TBC1D1: variants seen among roughly 807,000 people sequenced by gnomAD.
TBC1D1 encodes TBC1 domain family member 1.
In TBC1D1, 89 loss-of-function variants were observed where a neutral mutation model predicts 125.6. That is an observed-to-expected ratio of 0.71 (90% CI 0.60 to 0.85). TBC1D1 has a LOEUF of 0.85. Among genes scored for constraint, TBC1D1 ranks in the 40% least tolerant of loss-of-function variants. The probability of loss-of-function intolerance (pLI) is 0.00; values close to 1 mark genes in which losing one functional copy is unlikely to be tolerated. For synonymous variants in TBC1D1, 565 were observed against 564.1 expected, an observed-to-expected ratio of 1.00 and a Z score of -0.02; for missense variants, 1,377 against 1,469.2, an observed-to-expected ratio of 0.94 and a Z score of 1.03.
At chr4:37,944,204 T>G (rs1726170068) in intron 2 of TBC1D1, among the ~76,000 whole-genome samples, 1 of 152,148 alleles carries the variant, frequency 6.6e-6, no homozygotes, top group Non-Finnish European at 1.5e-5. Context: ...AAGCTTCGTC[T>G]CAGAGGGGTA....
chr4:38,099,430 G>T (rs1246424269), intron 14 of TBC1D1, among the ~76,000 whole-genome samples: 1 of 152,092 alleles, frequency 6.6e-6, no homozygotes, highest in African/African-American at 2.4e-5. Flanking sequence ...TGACCATAGG[G>T]CCCAACCTGG....
intron 18 of TBC1D1, 48 bp from the exon 21 acceptor site, chr4:38,133,036 G>C (rs1305467846): frequency 1.3e-6 from 2 of 1,559,458 alleles, no homozygotes; most frequent in African/African-American, 1.4e-5. Context: ...CTGTACTTGT[G>C]GGGTTTTTCT....
chr4:38,089,560 AATT>A (rs1216381836), intron 12 of TBC1D1, among the ~76,000 whole-genome samples: 1 of 152,230 alleles, frequency 6.6e-6, no homozygotes, highest in Non-Finnish European at 1.5e-5. Context: ...TGTGAGTGTA[AATT>A]ATTGTATATA....
intron 13 of TBC1D1, among the ~76,000 whole-genome samples, chr4:38,095,271 A>G (rs1439675148): frequency 6.6e-6 from 1 of 152,216 alleles, no homozygotes; most frequent in Non-Finnish European, 1.5e-5. Flanking sequence ...GGGTCCAGGA[A>G]TCAATGTAAA....
At chr4:38,077,802 T>G (rs2152520417) in intron 12 of TBC1D1, among the ~76,000 whole-genome samples, 1 of 152,304 alleles carries the variant, frequency 6.6e-6, no homozygotes, top group African/African-American at 2.4e-5. Context: ...TGTCAAGTGC[T>G]GGCATTGCAC....
At chr4:37,907,613 T>TG in intron 2 of TBC1D1, among the ~76,000 whole-genome samples, 1 of 152,318 alleles carries the variant, frequency 6.6e-6, no homozygotes, top group East Asian at 1.9e-4. Context: ...CATAAGGTCC[T>TG]GGGTTAAAAT....
chr4:38,108,936 C>T (rs750129738), intron 15 of TBC1D1, among the ~76,000 whole-genome samples: 50 of 152,180 alleles, frequency 3.3e-4, no homozygotes, highest in Non-Finnish European at 6.6e-4. Context: ...GAGCGCTTCC[C>T]CTTCTCCTCT....
intron 2 of TBC1D1, among the ~76,000 whole-genome samples, chr4:37,980,556 G>A (rs1734148884): frequency 6.6e-6 from 1 of 152,196 alleles, no homozygotes. Flanking sequence ...TGCTTATAAA[G>A]TTTGTAGCTA....
At chr4:38,023,866 A>G (rs1045907102) in intron 6 of TBC1D1, among the ~76,000 whole-genome samples, 2 of 152,184 alleles carry the variant, frequency 1.3e-5, no homozygotes, top group African/African-American at 4.8e-5. Flanking sequence ...TGGTAATTTT[A>G]TGTTTAATTT....
Position 38,014,816 on chromosome 4 carries a change from G to A in TBC1D1, c.725G>A (p.Arg242His). ...AAGTCCTTCTCCCAGCCCGGCCTGC[G>A]CTCGCTGGCCTTTAGGAAGGAGCTG... Residue 242 changes from arginine (R) to histidine (H), a missense_variant, in exon 3 of 20, where the codon CGC (arginine) becomes CAC (histidine). Physicochemically the swap from Arg to His is conservative, Grantham distance 29. Transcript: ENST00000261439. The surrounding 1 kb of genome is among the most constrained non-coding windows in gnomAD (Gnocchi z 5.1). 2 of 1,608,742 alleles carry A rather than the reference G, an allele frequency of 1.2e-6. No individual in the cohort carries two copies. Among genetic ancestry groups the A allele is most frequent in the Non-Finnish European group, 1.7e-6 (2 of 1,177,144 alleles).
intron 2 of TBC1D1, among the ~76,000 whole-genome samples, chr4:37,978,766 C>A (rs1352374483): frequency 8.3e-6 from 1 of 120,450 alleles, no homozygotes; most frequent in Non-Finnish European, 1.9e-5. Context: ...CAAAAACCAT[C>A]ACAGACTTTT....
Position 38,103,748 on chromosome 4 carries a change from T to G in TBC1D1, c.2557+591T>G, listed in dbSNP as rs1281981499. 3.3e-5 allele frequency among the ~76,000 whole-genome samples: 5 copies of G among 152,310 alleles called. No homozygotes were observed. In the South Asian group the frequency reaches 1.0e-3, roughly 32 times the overall value. ...CAACCAACCTCAGATGGAAAGTATTTGGGAAGAAAAATCAATGAAAACTAA... is the reference window on the plus strand; with the variant it reads ...CAACCAACCTCAGATGGAAAGTATTGGGGAAGAAAAATCAATGAAAACTAA... On this transcript the variant is annotated intron_variant, in intron 15 of 19. Transcript: ENST00000261439.
intron 2 of TBC1D1, among the ~76,000 whole-genome samples, chr4:37,965,307 C>A (rs1730855351): frequency 6.6e-6 from 1 of 152,186 alleles, no homozygotes; most frequent in South Asian, 2.1e-4. Context: ...TTGAACCATG[C>A]CTGGTGCATG....
At chr4:38,053,432 G>T (rs1042318044) in intron 11 of TBC1D1, among the ~76,000 whole-genome samples, 4 of 152,208 alleles carry the variant, frequency 2.6e-5, no homozygotes, top group Admixed American at 6.5e-5. Context: ...ACGAGGATTA[G>T]TTTAAGTGTT....
chr4:38,107,949 T>C (rs918868535), intron 15 of TBC1D1, among the ~76,000 whole-genome samples: 2 of 152,162 alleles, frequency 1.3e-5, no homozygotes, highest in African/African-American at 4.8e-5. Flanking sequence ...GGTGGAATCA[T>C]GTTCCTTTGG....
rs906219660 is a variant in TBC1D1 at position 37,977,065 on chromosome 4, G to C, written c.418-37444G>C. Among the ~76,000 whole-genome samples, 4 of 152,176 alleles carry C rather than the reference G, an allele frequency of 2.6e-5. No individual in the cohort carries two copies. Among genetic ancestry groups the C allele is most frequent in the Admixed American group, 6.5e-5 (1 of 15,282 alleles). On this transcript the variant is annotated intron_variant, in intron 2 of 19. Coordinates refer to ENST00000261439, the MANE Select transcript of TBC1D1 (RefSeq NM_015173.4). This position sits in a 1 kb window ranked among gnomAD's most constrained non-coding sequence, Gnocchi z 4.3. ...AACCTCGGAGAGGGAGGAATTCTTA[G>C]ATTTCTGAAAGTTGTGCGAAACGGA...
intron 2 of TBC1D1, among the ~76,000 whole-genome samples, chr4:37,984,373 G>A (rs1400013668): frequency 6.6e-6 from 1 of 152,130 alleles, no homozygotes; most frequent in African/African-American, 2.4e-5. Flanking sequence ...ATTTTGTATT[G>A]CCATCAACAA....
At position 38,104,159 on chromosome 4, in the gene TBC1D1, C is replaced by CAAAAAA. The variant is rs71658758; in HGVS notation, c.2557+1021_2557+1026dup. Among the ~76,000 whole-genome samples the CAAAAAA allele has an allele frequency of 8.8e-4, 74 of 83,924 alleles. 1 individual carries two copies. The highest frequency in any genetic ancestry group is 1.2e-3 in the East Asian group (2 of 1,646). The allele number at this position is 83,924 out of a possible 152,430, so 55.1% of individuals were successfully genotyped here. On this transcript the variant is annotated intron_variant, in intron 15 of 19. Coordinates refer to ENST00000261439, the MANE Select transcript of TBC1D1 (RefSeq NM_015173.4). Reference sequence around the variant, plus strand: ...TGGGTGACAGAATGAGACTCTGTCTCAAAAAAAAAAAAAAAAAAAAAAAAG... The same window carrying CAAAAAA: ...TGGGTGACAGAATGAGACTCTGTCTCAAAAAAAAAAAAAAAAAAAAAAAAAAAAAAG...
At chr4:38,084,325 T>TTTCCAAATACTCCATAAATG (rs1757111014) in intron 12 of TBC1D1, among the ~76,000 whole-genome samples, 1 of 152,242 alleles carries the variant, frequency 6.6e-6, no homozygotes, top group African/African-American at 2.4e-5. Context: ...TTTGGAGTAT[T>TTTCCAAATACTCCATAAATG]TTCCATAAAA....
Sources: allele counts gnomAD v4.1 joint callset (sites outside exome capture counted in the v4.1 genomes callset), GRCh38; gene constraint gnomAD v4.1.1; non-coding constraint Gnocchi (gnomAD v3.1); transcripts MANE v1.5; gene names NCBI Gene and HGNC (gene_info 2026-07-23, HGNC 2026-07-21).